Variants in RBCK1 observed in about 807,000 individuals in gnomAD.
The protein encoded by RBCK1 is ranBP-type and C3HC4-type zinc finger-containing protein 1.
Under a neutral mutation model 71.1 loss-of-function variants are expected in RBCK1, and 44 were observed. The ratio of observed to expected loss-of-function variants is 0.62; its 90% CI spans 0.49 to 0.80. The LOEUF is 0.80. Among genes scored for constraint, RBCK1 ranks in the 30% least tolerant of loss-of-function variants. RBCK1 has a pLI of 0.00. For synonymous variants in RBCK1, 306 were observed against 279.7 expected, an observed-to-expected ratio of 1.09 and a Z score of -0.94; for missense variants, 569 against 685.0, an observed-to-expected ratio of 0.83 and a Z score of 1.89.
rs1600268563 is a variant in RBCK1, at chr20:408,635, C to G, written c.-123C>G. 3.0e-6 allele frequency: 4 copies of G among 1,311,482 alleles called. No homozygotes were observed. The highest frequency in any genetic ancestry group is 2.0e-5 in the Admixed American group (1 of 50,690). The allele number at this position is 1,311,482 out of a possible 1,614,324, so 81.2% of individuals were successfully genotyped here. A position where few individuals can be genotyped will look rare whatever the true frequency, so the allele number is the denominator to read the frequency against. ...AGCGAGGCACACACAGGGCTTGGGC[C>G]GCGCCGGAGGCCACACGGCCTGGCT... On this transcript the variant is annotated 5_prime_UTR_variant, in exon 1 of 12. Transcript: ENST00000356286.
At chr20:420,132 C>T (rs2016294017) in intron 6 of RBCK1, 2 of 985,110 alleles carry the variant, frequency 2.0e-6, no homozygotes, top group Non-Finnish European at 2.4e-6. Context: ...CCTAAGCCTG[C>T]TCCACCTCGC....
chr20:408,876 G>A, intron 1 of RBCK1, 97 bp downstream of exon 1: 2 of 1,388,770 alleles, frequency 1.4e-6, no homozygotes, highest in South Asian at 1.3e-5. Flanking sequence ...TGGAGAGGGG[G>A]CTTTAGCCTG....
intron 2 of RBCK1, among the ~76,000 whole-genome samples, chr20:413,491 T>C (rs983921799): frequency 6.6e-6 from 1 of 152,224 alleles, no homozygotes; most frequent in Admixed American, 6.5e-5. Flanking sequence ...CTTCCACCTT[T>C]CCTTTTCCTT....
In RBCK1 at chr20:408,453, CG is replaced by C; in HGVS notation, c.-302del. The C allele has an allele frequency of 1.9e-6, 1 of 516,510 alleles. No individual in the cohort carries two copies. The highest frequency in any genetic ancestry group is 2.3e-5 in the South Asian group (1 of 43,242). The allele number at this position is 516,510 out of a possible 1,614,324, so 32.0% of individuals were successfully genotyped here. ...TGGAACGCCCCGGCTGGGTGGTGTC[CG>C]GGCGTCCTTTCCCCGCTTCTTCCCA... On this transcript the variant is annotated 5_prime_UTR_variant, in exon 1 of 12. Coordinates refer to ENST00000356286, the MANE Select transcript of RBCK1 (RefSeq NM_031229.4).
rs143101005 is a variant in RBCK1 at position 419,414 on chromosome 20, G to T, written c.528G>T (p.Gly176=). 1 of 1,610,620 alleles carries T rather than the reference G, an allele frequency of 6.2e-7. No homozygotes were observed. The highest frequency in any genetic ancestry group is 1.7e-5 in the Admixed American group (1 of 59,542). ...GPLEPGPPKP[G]VPQEPGRGQP... is the part of the protein sequence containing the mutation. ...TGGAGCCAGGCCCCCCAAAGCCCGG[G>T]GTCCCCCAGGAACCCGGACGGGGGC... Residue 176 remains glycine, a synonymous_variant, in exon 5 of 12, where the codon GGG becomes GGT. Coordinates refer to ENST00000356286, the MANE Select transcript of RBCK1 (RefSeq NM_031229.4).
At chr20:418,487 G>C (rs1324374713) in intron 4 of RBCK1, among the ~76,000 whole-genome samples, 4 of 152,112 alleles carry the variant, frequency 2.6e-5, no homozygotes, top group African/African-American at 9.7e-5. Flanking sequence ...TCCTGCCTCA[G>C]CCTCCGGAGT....
In RBCK1 at chr20:417,741, G is replaced by A; in HGVS notation, c.271G>A (p.Asp91Asn). 1.2e-6 allele frequency: 2 copies of A among 1,612,936 alleles called. No homozygotes were observed. The highest frequency in any genetic ancestry group is 2.2e-5 in the South Asian group (2 of 91,054). The stretch of plus-strand genomic sequence containing the variant: ...TCTTTGCCCCCACCAGGTTTTTCTG[G>A]ACTATGGCTTCCCACCAGTCTTGCA... Reference protein sequence around the residue: ...VASLKDMVFLDYGFPPVLQQW... With the variant: ...VASLKDMVFLNYGFPPVLQQW... Residue 91 changes from aspartate to asparagine, a missense_variant, in exon 4 of 12, where the codon GAC becomes AAC. This residue lies in a region of RBCK1 where 358 missense variants were observed against 375.6 expected (regional missense o/e 0.95). Transcript: ENST00000356286. The surrounding 1 kb of genome is among the most constrained non-coding windows in gnomAD (Gnocchi z 4.7).
In RBCK1 at chr20:422,380, C is replaced by T. The variant is rs2016490970; in HGVS notation, c.1029+142C>T. The T allele has an allele frequency of 2.9e-6, 2 of 687,264 alleles. No individual in the cohort carries two copies. The highest frequency in any genetic ancestry group is 5.0e-6 in the Non-Finnish European group (2 of 399,392). The allele number at this position is 687,264 out of a possible 1,614,324, so 42.6% of individuals were successfully genotyped here. ...CTATGTTGTCCAAGCTGGTCTCAAA[C>T]TCCTGGGCTTAAGCGATCATTCATC... On this transcript the variant is annotated intron_variant, in intron 8 of 11. Transcript: ENST00000356286. This position sits in a 1 kb window ranked among gnomAD's most constrained non-coding sequence, Gnocchi z 5.0.
At position 430,272 on chromosome 20, in the gene RBCK1, C is replaced by A; in HGVS notation, c.1453-78C>A. 2 of 1,328,238 alleles carry A rather than the reference C, an allele frequency of 1.5e-6. No individual in the cohort carries two copies. The highest frequency in any genetic ancestry group is 2.1e-6 in the Non-Finnish European group (2 of 930,664). 82.3% of individuals were successfully genotyped at this position (1,328,238 alleles called of 1,614,324 possible). On this transcript the variant is annotated intron_variant, in intron 11 of 11. Coordinates refer to ENST00000356286, the MANE Select transcript of RBCK1 (RefSeq NM_031229.4). This position sits in a 1 kb window ranked among gnomAD's most constrained non-coding sequence, Gnocchi z 5.6. ...AGGAGGACCTGCAGAGGCAAAGGCCCGGGGTGGGAGAGCGCTCGGCTGTGG... is the reference window on the plus strand; with the variant it reads ...AGGAGGACCTGCAGAGGCAAAGGCCAGGGGTGGGAGAGCGCTCGGCTGTGG...
In RBCK1 at chr20:417,395, TTGTGTGTGTGTGTGTG is replaced by T; in HGVS notation, c.168-118_168-103del. 7.8e-6 allele frequency: 6 copies of T among 764,566 alleles called. No individual in the cohort carries two copies. The South Asian group carries it at 8.6e-5, about 11-fold the overall frequency. The allele number at this position is 764,566 out of a possible 1,614,324, so 47.4% of individuals were successfully genotyped here. A position where few individuals can be genotyped will look rare whatever the true frequency, so the allele number is the denominator to read the frequency against. ...GGTGGGGCCTACCCCAGACTGGGGT[TTGTGTGTGTGTGTGTG>T]TGTGTGTGTGTGCATGGCCATGTGC... On this transcript the variant is annotated intron_variant, in intron 2 of 11. Transcript: ENST00000356286. The surrounding 1 kb of genome is among the most constrained non-coding windows in gnomAD (Gnocchi z 4.7).
intron 8 of RBCK1, among the ~76,000 whole-genome samples, chr20:425,824 A>G (rs528441717): frequency 1.3e-5 from 2 of 152,170 alleles, no homozygotes; most frequent in East Asian, 3.9e-4. Flanking sequence ...ATGGGGTTTC[A>G]CTATGTTGGC....
rs768693422 is a variant in RBCK1 at position 427,298 on chromosome 20, ATGG to A, written c.1030-12_1030-10del. On this transcript the variant is annotated splice_polypyrimidine_tract_variant and intron_variant, in intron 8 of 11. Coordinates refer to ENST00000356286, the MANE Select transcript of RBCK1 (RefSeq NM_031229.4). ...GTTCTGAATCCTGAGCAGCAAGGAC[ATGG>A]TGTGTTGGCAGCTCCTGACCCCTGA... 6.2e-7 allele frequency: 1 copy of A among 1,613,180 alleles called. No homozygotes were observed. Among genetic ancestry groups the A allele is most frequent in the Non-Finnish European group, 8.5e-7 (1 of 1,179,508 alleles).
rs113981218 is a variant in RBCK1 at position 422,567 on chromosome 20, C to T, written c.1029+329C>T. ...GGACTCGGCTGGGCGTGGCAGCTCA[C>T]ACCTGTAATCCCAGCACTTTGGGAG... On this transcript the variant is annotated intron_variant, in intron 8 of 11. Transcript: ENST00000356286. This position sits in a 1 kb window ranked among gnomAD's most constrained non-coding sequence, Gnocchi z 5.0. Among the ~76,000 whole-genome samples the T allele has an allele frequency of 0.26, 39,798 of 152,010 alleles. 5,605 individuals carry two copies. Among genetic ancestry groups the T allele is most frequent in the African/African-American group, 0.3 (12,438 of 41,444 alleles).
At chr20:420,842 C>T (rs1427449395) in intron 6 of RBCK1, 29 bp from the exon 7 acceptor site, 1 of 1,537,576 alleles carries the variant, frequency 6.5e-7, no homozygotes, top group Non-Finnish European at 8.7e-7. Context: ...GGCCCTGACC[C>T]GCCCCGTGGC....
In RBCK1 at chr20:422,098, CCTAA is replaced by C. The variant is rs746252621; in HGVS notation, c.918-26_918-23del. On this transcript the variant is annotated intron_variant, in intron 7 of 11. Coordinates refer to ENST00000356286, the MANE Select transcript of RBCK1 (RefSeq NM_031229.4). This position sits in a 1 kb window ranked among gnomAD's most constrained non-coding sequence, Gnocchi z 5.0. Reference sequence around the variant, plus strand: ...CCCCAGTGAAGGGGGTTCCTATGATCCTAACTCTTTTCCCCTCCCCTCCCCTAGG... The same window carrying C: ...CCCCAGTGAAGGGGGTTCCTATGATCCTCTTTTCCCCTCCCCTCCCCTAGG... 2.5e-5 allele frequency: 39 copies of C among 1,578,632 alleles called. No homozygotes were observed. The highest frequency in any genetic ancestry group is 1.5e-4 in the South Asian group (14 of 90,414).
rs186533520 is a variant in RBCK1 at position 422,983 on chromosome 20, A to T, written c.1029+745A>T. On this transcript the variant is annotated intron_variant, in intron 8 of 11. Transcript: ENST00000356286. The surrounding 1 kb of genome is among the most constrained non-coding windows in gnomAD (Gnocchi z 5.0). The stretch of plus-strand genomic sequence containing the variant: ...CTATTTCCAGGATTGCAAAGATTAC[A>T]GTAGAGGATATGTGTATAGAATTCA... 4.6e-5 allele frequency among the ~76,000 whole-genome samples: 7 copies of T among 152,346 alleles called. No individual in the cohort carries two copies. The East Asian group carries it at 1.2e-3, about 25-fold the overall frequency.
Position 430,671 on chromosome 20 carries a change from T to C in RBCK1, c.*241T>C. The C allele has an allele frequency of 1.8e-6, 1 of 563,222 alleles. No individual in the cohort carries two copies. Among genetic ancestry groups the C allele is most frequent in the African/African-American group, 1.9e-5 (1 of 52,956 alleles). 34.9% of individuals were successfully genotyped at this position (563,222 alleles called of 1,614,324 possible). A position where few individuals can be genotyped will look rare whatever the true frequency, so the allele number is the denominator to read the frequency against. ...TGACCCCAGCCTTAAACATAGCCCC[T>C]GGCCAGAGGCCTTGCTGGGTGGAGC... On this transcript the variant is annotated 3_prime_UTR_variant, in exon 12 of 12. Coordinates refer to ENST00000356286, the MANE Select transcript of RBCK1 (RefSeq NM_031229.4). The surrounding 1 kb of genome is among the most constrained non-coding windows in gnomAD (Gnocchi z 5.6).
chr20:410,546 C>T (rs1161307654), intron 2 of RBCK1: 2 of 779,648 alleles, frequency 2.6e-6, no homozygotes, highest in East Asian at 2.4e-5. Context: ...CCGTTAATTC[C>T]TGTGGACCAG....
Position 408,739 on chromosome 20 carries a change from A to G in RBCK1, c.-19A>G. 6.2e-7 allele frequency: 1 copy of G among 1,611,768 alleles called. No homozygotes were observed. Among genetic ancestry groups the G allele is most frequent in the Non-Finnish European group, 8.5e-7 (1 of 1,179,220 alleles). ...AGGAGGCACGGTCCCCCCCAGGGGG[A>G]TGGGCACAGCCACGCCAGATGGACG... On this transcript the variant is annotated 5_prime_UTR_variant, in exon 1 of 12. It removes an upstream start codon present in the reference 5' UTR. Coordinates refer to ENST00000356286, the MANE Select transcript of RBCK1 (RefSeq NM_031229.4).
Sources: allele counts gnomAD v4.1 joint callset (sites outside exome capture counted in the v4.1 genomes callset), GRCh38; gene constraint gnomAD v4.1.1; regional missense constraint gnomAD v4.1.1; non-coding constraint Gnocchi (gnomAD v3.1); transcripts MANE v1.5; gene names NCBI Gene and HGNC (gene_info 2026-07-23, HGNC 2026-07-21).